The following ROBO1 variants were observed in gnomAD, a reference collection of about 807,000 sequenced individuals.
ROBO1 encodes the protein roundabout guidance receptor 1.
Under a neutral mutation model 195.9 loss-of-function variants are expected in ROBO1, and 149 were observed. The observed-to-expected ratio is 0.76, with a 90% CI of 0.67 to 0.87. The LOEUF (loss-of-function observed/expected upper bound fraction) is 0.87, where lower values mean the gene tolerates loss of function less well. Among genes scored for constraint, ROBO1 ranks in the 40% least tolerant of loss-of-function variants. ROBO1 has a pLI of 0.00. For missense variants in ROBO1, 1,933 were observed against 2,068.3 expected (o/e 0.93, Z 1.27); for synonymous variants, 816 against 733.2 (o/e 1.11, Z -1.82).
intron 3 of ROBO1, among the ~76,000 whole-genome samples, chr3:79,087,936 G>A (rs2079404043): frequency 6.6e-6 from 1 of 152,030 alleles, no homozygotes; most frequent in Admixed American, 6.6e-5. Flanking sequence ...CTGGTACCAA[G>A]GGTATCCCAA....
At chr3:78,813,828 T>G (rs1343169876) in intron 4 of ROBO1, among the ~76,000 whole-genome samples, 1 of 152,056 alleles carries the variant, frequency 6.6e-6, no homozygotes, top group African/African-American at 2.4e-5. Context: ...CAGGCAAAGC[T>G]TGCTTGATAA....
At chr3:79,626,722 A>AGATG (rs1467166895) in intron 1 of ROBO1, among the ~76,000 whole-genome samples, 3 of 152,318 alleles carry the variant, frequency 2.0e-5, no homozygotes, top group African/African-American at 7.2e-5. Context: ...CTCTGTTTGC[A>AGATG]GATGACATGA....
At chr3:79,614,713 T>C (rs1410306236) in intron 1 of ROBO1, among the ~76,000 whole-genome samples, 1 of 152,124 alleles carries the variant, frequency 6.6e-6, no homozygotes, top group Non-Finnish European at 1.5e-5. Context: ...AAAGAATATG[T>C]ACATATTTGC....
chr3:79,659,355 A>G (rs1030928300), intron 1 of ROBO1, among the ~76,000 whole-genome samples: 1 of 152,130 alleles, frequency 6.6e-6, no homozygotes, highest in Non-Finnish European at 1.5e-5. Context: ...TAATAATAAA[A>G]TGTAATGATA....
At position 78,763,005 on chromosome 3, in the gene ROBO1, T is replaced by A. The variant is rs114970853; in HGVS notation, c.500-16105A>T. On this transcript the variant is annotated intron_variant, in intron 4 of 30. Transcript: ENST00000464233. ...ATGAAATAAGCACCATACCACATGA[T>A]GTGACACAAGAGACAAGCACTTATT... is the stretch of plus-strand genomic sequence containing the variant. Among the ~76,000 whole-genome samples the A allele has an allele frequency of 2.3e-3, 343 of 152,256 alleles. 1 individual carries two copies. Among genetic ancestry groups the A allele is most frequent in the African/African-American group, 7.9e-3 (329 of 41,554 alleles).
At chr3:78,664,891 GC>G (rs1300875194) in intron 14 of ROBO1, among the ~76,000 whole-genome samples, 1 of 152,122 alleles carries the variant, frequency 6.6e-6, no homozygotes, top group Non-Finnish European at 1.5e-5. Flanking sequence ...AAGGCTTCCA[GC>G]CTCAAATGAA....
intron 4 of ROBO1, among the ~76,000 whole-genome samples, chr3:78,761,129 T>C (rs2083091915): frequency 6.6e-6 from 1 of 152,272 alleles, no homozygotes; most frequent in Non-Finnish European, 1.5e-5. Context: ...AAATGCTTTC[T>C]CTGGAGATGT....
At chr3:78,673,898 G>A (rs1471594935) in intron 10 of ROBO1, among the ~76,000 whole-genome samples, 1 of 151,608 alleles carries the variant, frequency 6.6e-6, no homozygotes, top group Non-Finnish European at 1.5e-5. Context: ...TTTACAAACT[G>A]CAAATATTGT....
At chr3:79,616,665 C>A (rs755658736) in intron 1 of ROBO1, among the ~76,000 whole-genome samples, 1 of 152,056 alleles carries the variant, frequency 6.6e-6, no homozygotes, top group East Asian at 1.9e-4. Context: ...GCAGGAGGCA[C>A]GAGTGGCTAG....
At chr3:79,194,114 T>C (rs1276843966) in intron 2 of ROBO1, among the ~76,000 whole-genome samples, 1 of 151,706 alleles carries the variant, frequency 6.6e-6, no homozygotes, top group East Asian at 1.9e-4. Flanking sequence ...GATTATAGAA[T>C]CCTAATCTGG....
At chr3:78,677,668 AT>A (rs1279070966) in intron 10 of ROBO1, among the ~76,000 whole-genome samples, 1 of 151,996 alleles carries the variant, frequency 6.6e-6, no homozygotes, top group African/African-American at 2.4e-5. Flanking sequence ...ACCCAGATTC[AT>A]AAAGCAAGTC....
chr3:79,055,134 G>A (rs1296649297), intron 3 of ROBO1, among the ~76,000 whole-genome samples: 1 of 152,066 alleles, frequency 6.6e-6, no homozygotes, highest in East Asian at 1.9e-4. Flanking sequence ...ATCCACCTCT[G>A]CTAAAGGAAT....
chr3:79,380,569 T>C (rs1476816745), intron 2 of ROBO1, among the ~76,000 whole-genome samples: 2 of 152,172 alleles, frequency 1.3e-5, no homozygotes, highest in African/African-American at 4.8e-5. Flanking sequence ...GCTAACCTTT[T>C]CTTAGGTTAG....
intron 5 of ROBO1, among the ~76,000 whole-genome samples, chr3:78,723,833 G>A (rs553071909): frequency 6.6e-6 from 1 of 152,268 alleles, no homozygotes; most frequent in Non-Finnish European, 1.5e-5. Context: ...AAGACAAAAG[G>A]AAGGAAGGGA....
At chr3:79,405,742 A>G (rs774522849) in intron 2 of ROBO1, among the ~76,000 whole-genome samples, 9 of 152,196 alleles carry the variant, frequency 5.9e-5, no homozygotes, top group Non-Finnish European at 1.2e-4. Context: ...AACTTAGTGG[A>G]TGTAATGTTT....
In ROBO1 at chr3:78,661,302, G is replaced by C. The variant is rs139760410; in HGVS notation, c.2089-41C>G. Reference sequence around the variant, plus strand: ...GTAAAATGTAATTATTCATATTATTGTATTGGTTCATCAGAAAATAATAAA... The same window carrying C: ...GTAAAATGTAATTATTCATATTATTCTATTGGTTCATCAGAAAATAATAAA... On this transcript the variant is annotated intron_variant, in intron 15 of 30. Transcript: ENST00000464233. The C allele has an allele frequency of 1.2e-4, 147 of 1,200,614 alleles. No individual in the cohort carries two copies. In the African/African-American group the frequency reaches 1.8e-3, roughly 15 times the overall value. 74.4% of individuals were successfully genotyped at this position (1,200,614 alleles called of 1,614,324 possible). A position where few individuals can be genotyped will look rare whatever the true frequency, so the allele number is the denominator to read the frequency against.
intron 4 of ROBO1, among the ~76,000 whole-genome samples, chr3:78,892,220 G>C (rs966531628): frequency 6.6e-6 from 1 of 152,130 alleles, no homozygotes; most frequent in Non-Finnish European, 1.5e-5. Context: ...ATTAGCATTA[G>C]ATTCTCATAG....
intron 2 of ROBO1, among the ~76,000 whole-genome samples, chr3:79,540,655 A>G (rs961764612): frequency 6.6e-5 from 10 of 152,096 alleles, no homozygotes; most frequent in Non-Finnish European, 8.8e-5. Flanking sequence ...TTCCCAGTTC[A>G]ACAAACTCAA....
intron 4 of ROBO1, among the ~76,000 whole-genome samples, chr3:78,804,909 C>T (rs188027637): frequency 3.9e-5 from 6 of 152,214 alleles, no homozygotes; most frequent in Admixed American, 3.9e-4. Context: ...CTCTTTTAAG[C>T]TCAGCACTTC....
Sources: allele counts gnomAD v4.1 joint callset (sites outside exome capture counted in the v4.1 genomes callset), GRCh38; gene constraint gnomAD v4.1.1; transcripts MANE v1.5; gene names NCBI Gene and HGNC (gene_info 2026-07-23, HGNC 2026-07-21).